The following TMEM255A variants were observed in gnomAD, a reference collection of about 807,000 sequenced individuals.
The protein encoded by TMEM255A is family with sequence similarity 70, member A.
In TMEM255A, 14 loss-of-function variants were observed where a neutral mutation model predicts 23.5. The ratio of observed to expected loss-of-function variants is 0.60; its 90% CI spans 0.39 to 0.93. The LOEUF (loss-of-function observed/expected upper bound fraction) is 0.93. TMEM255A is among the 40% of genes least tolerant of loss of function. The probability of loss-of-function intolerance (pLI) is 0.00; values close to 1 mark genes in which losing one functional copy is unlikely to be tolerated. For missense variants in TMEM255A, 233 were observed against 261.7 expected (o/e 0.89, Z 0.76); for synonymous variants, 104 against 100.3 (o/e 1.04, Z -0.22).
At chrX:120,253,210 C>T in the TMEM255A span, among the ~76,000 whole-genome samples, 1 of 112,040 alleles carries the variant, frequency 8.9e-6, no homozygotes, top group Non-Finnish European at 1.9e-5. Flanking sequence ...AAAACTTGCT[C>T]AACTCAGGAG....
intron 4 of TMEM255A, among the ~76,000 whole-genome samples, chrX:120,288,562 A>G (rs2057892929): frequency 8.9e-6 from 1 of 112,262 alleles, no homozygotes; most frequent in Admixed American, 9.4e-5. Context: ...CTACATGAAG[A>G]CAGACGTGTG....
the TMEM255A span, chrX:120,253,449 A>G: frequency 1.7e-6 from 2 of 1,211,745 alleles, no homozygotes; most frequent in Non-Finnish European, 2.2e-6. Flanking sequence ...TGCTACAGAC[A>G]TTCAGTACTC....
In TMEM255A at chrX:120,287,555, C is replaced by G. The variant is rs546785148; in HGVS notation, c.355-333G>C. Among the ~76,000 whole-genome samples, 6 of 111,389 alleles carry G rather than the reference C, an allele frequency of 5.4e-5. No individual in the cohort carries two copies. The South Asian group carries it at 2.3e-3, about 43-fold the overall frequency. ...CTTCTTGTAAACAGTCCTCAGGGAA[C>G]AAGATGCAAAACTCCAGGTTATTAT... is the stretch of plus-strand genomic sequence containing the variant. On this transcript the variant is annotated intron_variant, in intron 4 of 8. Coordinates refer to ENST00000371369, the MANE Select transcript of TMEM255A (RefSeq NM_001104544.3).
At chrX:120,284,041 C>T (rs2057855543) in intron 6 of TMEM255A, among the ~76,000 whole-genome samples, 1 of 111,678 alleles carries the variant, frequency 9.0e-6, no homozygotes, top group South Asian at 3.8e-4. Flanking sequence ...TCTCCTGATT[C>T]CCTACTTATT....
At chrX:120,297,123 A>AAT (rs1332938079) in intron 2 of TMEM255A, among the ~76,000 whole-genome samples, 12 of 36,755 alleles carry the variant, frequency 3.3e-4, no homozygotes, top group Non-Finnish European at 5.1e-4. Context: ...ATTATATTAT[A>AAT]ATATATAATA....
downstream of TMEM255A, chrX:120,253,885 A>G: frequency 1.7e-6 from 2 of 1,211,451 alleles, no homozygotes; most frequent in Non-Finnish European, 1.1e-6. Context: ...GATGAAGCCC[A>G]AGATAATGGG....
At chrX:120,253,846 A>G (rs139816581), downstream of TMEM255A, 288 of 1,209,566 alleles carry the variant, frequency 2.4e-4, no homozygotes, top group Admixed American at 3.7e-4. Flanking sequence ...GATTCTGGTG[A>G]CAAGAACCTT....
chrX:120,264,676 T>G (rs1556017220), intron 8 of TMEM255A, among the ~76,000 whole-genome samples: 1 of 109,998 alleles, frequency 9.1e-6, no homozygotes, highest in Non-Finnish European at 1.9e-5. Context: ...AAATGGGAAG[T>G]CATTCAGAAG....
intron 7 of TMEM255A, among the ~76,000 whole-genome samples, chrX:120,269,760 C>G (rs146267180): frequency 2.7e-5 from 3 of 111,688 alleles, no homozygotes; most frequent in Non-Finnish European, 5.6e-5. Flanking sequence ...TACATTTACT[C>G]AGAAATGCCC....
chrX:120,265,145 G>A (rs1218735958), intron 8 of TMEM255A, among the ~76,000 whole-genome samples: 1 of 111,805 alleles, frequency 8.9e-6, no homozygotes, highest in African/African-American at 3.3e-5. Context: ...CAAAATGCTG[G>A]GATTACAGGC....
the TMEM255A span, among the ~76,000 whole-genome samples, chrX:120,253,183 A>G: frequency 2.7e-5 from 3 of 111,853 alleles, no homozygotes; most frequent in African/African-American, 9.8e-5. Context: ...TTACTGTTCA[A>G]ATCTCTGTAA....
At chrX:120,308,362 G>A in intron 1 of TMEM255A, among the ~76,000 whole-genome samples, 1 of 111,982 alleles carries the variant, frequency 8.9e-6, no homozygotes, top group Non-Finnish European at 1.9e-5. Flanking sequence ...TAGATAAGGT[G>A]TATAATCTTT....
rs60873568 is a variant in TMEM255A at position 120,298,877 on chromosome X, T to TAGAGAGAG, written c.202-4834_202-4827dup. ...TTAAGTTGGGATAGAACAGAGCACC[T>TAGAGAGAG]AGAGAGAGAGAGAGAGAGAGAGAGA... On this transcript the variant is annotated intron_variant, in intron 2 of 8. Transcript: ENST00000371369. 4.1e-4 allele frequency among the ~76,000 whole-genome samples: 40 copies of TAGAGAGAG among 97,882 alleles called. 1 individual carries two copies. Among genetic ancestry groups the TAGAGAGAG allele is most frequent in the South Asian group, 2.7e-3 (5 of 1,848 alleles). 85.0% of individuals were successfully genotyped at this position (97,882 alleles called of 115,157 possible). A position where few individuals can be genotyped will look rare whatever the true frequency, so the allele number is the denominator to read the frequency against.
intron 8 of TMEM255A, among the ~76,000 whole-genome samples, chrX:120,263,559 C>G (rs1160840378): frequency 9.0e-6 from 1 of 111,600 alleles, no homozygotes; most frequent in Non-Finnish European, 1.9e-5. Context: ...CTCCAGGAGC[C>G]TTGTGGGACA....
At chrX:120,289,707 T>C (rs2057901196) in intron 4 of TMEM255A, among the ~76,000 whole-genome samples, 2 of 111,925 alleles carry the variant, frequency 1.8e-5, no homozygotes, top group Admixed American at 1.9e-4. Flanking sequence ...CATATATCCA[T>C]GCATAAATTT....
chrX:120,260,081 A>G lies in TMEM255A; in HGVS notation c.*789T>C. The G allele has an allele frequency of 4.1e-6, 3 of 726,049 alleles. No homozygotes were observed. The highest frequency in any genetic ancestry group is 2.3e-5 in the African/African-American group (1 of 43,391). The allele number at this position is 726,049 out of a possible 1,213,427, so 59.8% of individuals were successfully genotyped here. On this transcript the variant is annotated 3_prime_UTR_variant, in exon 9 of 9. Transcript: ENST00000371369. ...TCTGAATTACAACCATAAGATTTATATCTCCTGTAGCAAATGTATTTTGTA... is the reference window on the plus strand; with the variant it reads ...TCTGAATTACAACCATAAGATTTATGTCTCCTGTAGCAAATGTATTTTGTA...
chrX:120,301,807 C>A (rs1556026051), intron 2 of TMEM255A, among the ~76,000 whole-genome samples: 1 of 111,041 alleles, frequency 9.0e-6, no homozygotes, highest in Admixed American at 9.6e-5. Context: ...TATAGTAACT[C>A]CCTAATAACC....
chrX:120,293,224 T>C (rs1556023341), intron 3 of TMEM255A, among the ~76,000 whole-genome samples: 1 of 112,470 alleles, frequency 8.9e-6, no homozygotes, highest in Non-Finnish European at 1.9e-5. Context: ...ATCTGACCAC[T>C]CACCAGGCAT....
intron 2 of TMEM255A, 21 bp from the exon 3 acceptor site, chrX:120,294,072 C>T (rs1556023533): frequency 1.8e-6 from 2 of 1,111,559 alleles, no homozygotes; most frequent in South Asian, 3.6e-5. Context: ...ATATGGCATA[C>T]ATAGTATGTG....
Sources: gnomAD v4.1 joint callset for allele counts (sites outside exome capture counted in the v4.1 genomes callset) on GRCh38, gnomAD v4.1.1 for gene constraint, MANE v1.5 for transcripts, NCBI Gene and HGNC (gene_info 2026-07-23, HGNC 2026-07-21) for gene names.